ZNF469: variants seen among roughly 807,000 people sequenced by gnomAD.
The protein encoded by ZNF469 is zinc finger protein 469.
Under a neutral mutation model 1.0 loss-of-function variants are expected in ZNF469, and 1 was observed. The observed-to-expected ratio is 1.00, with a 90% CI of 0.35 to 4.73. The LOEUF is 4.73. Ranked by LOEUF, ZNF469 falls within the 30% of genes most tolerant of loss-of-function variation. The probability of loss-of-function intolerance (pLI) is 0.16; values close to 1 mark genes in which losing one functional copy is unlikely to be tolerated. For synonymous variants in ZNF469, 2,703 were observed against 2,363.4 expected, an observed-to-expected ratio of 1.14 and a Z score of -4.17; for missense variants, 6,100 against 5,356.3, an observed-to-expected ratio of 1.14 and a Z score of -4.33.
intron 1 of ZNF469, among the ~76,000 whole-genome samples, chr16:88,399,615 A>T (rs1904797345): frequency 6.6e-6 from 1 of 152,228 alleles, no homozygotes; most frequent in Non-Finnish European, 1.5e-5. Flanking sequence ...GGTGCCTCCC[A>T]GCTGCTCAAA....
the ZNF469 span, among the ~76,000 whole-genome samples, chr16:88,293,614 G>T: frequency 6.6e-6 from 1 of 152,064 alleles, no homozygotes; most frequent in Non-Finnish European, 1.5e-5. Context: ...CACCTGAAGG[G>T]GTCTGTACTG....
chr16:88,336,201 T>C, the ZNF469 span, among the ~76,000 whole-genome samples: 1 of 148,646 alleles, frequency 6.7e-6, no homozygotes, highest in African/African-American at 2.5e-5. Context: ...CTTGAGACAC[T>C]AACACGCCAA....
At position 88,431,133 on chromosome 16, in the gene ZNF469, T is replaced by G; in HGVS notation, c.3663T>G (p.Phe1221Leu). The change falls in exon 3 of 3, where the codon TTT (phenylalanine) becomes TTG (leucine). Residue 1221 changes from phenylalanine (F) to leucine (L), a missense_variant. By Grantham distance (22) the Phe-to-Leu change is conservative (BLOSUM62 0). Transcript: ENST00000565624. ...AGGAAACCCGCCCGTCGCTGGACTT[T>G]CCCCAGGAGGCCAAGGAGCCTGAAA... is the stretch of plus-strand genomic sequence containing the variant. ...TSEETRPSLD[F>L]PQEAKEPETA... 1 of 1,549,114 alleles carries G rather than the reference T, an allele frequency of 6.5e-7. No homozygotes were observed. The highest frequency in any genetic ancestry group is 8.7e-7 in the Non-Finnish European group (1 of 1,146,754).
chr16:88,127,522 A>T, the ZNF469 span, among the ~76,000 whole-genome samples: 1 of 152,182 alleles, frequency 6.6e-6, no homozygotes, highest in Non-Finnish European at 1.5e-5. Context: ...AGATTTGTTT[A>T]AAGAAAGATA....
the ZNF469 span, among the ~76,000 whole-genome samples, chr16:88,249,409 TTTTC>T: frequency 7.4e-6 from 1 of 134,490 alleles, no homozygotes; most frequent in Non-Finnish European, 1.5e-5. Context: ...TTCTTTTTCT[TTTTC>T]TTTCTTTTTC....
At chr16:88,245,976 A>C in the ZNF469 span, among the ~76,000 whole-genome samples, 2 of 152,392 alleles carry the variant, frequency 1.3e-5, no homozygotes, top group South Asian at 2.1e-4. Flanking sequence ...GCTTTGGCTC[A>C]TCCAACAAAA....
the ZNF469 span, among the ~76,000 whole-genome samples, chr16:88,133,971 T>C: frequency 6.6e-6 from 1 of 152,130 alleles, no homozygotes. Context: ...GGTGGGCGCC[T>C]GTCATCCCAG....
the ZNF469 span, among the ~76,000 whole-genome samples, chr16:88,353,376 GC>G: frequency 6.6e-6 from 1 of 152,146 alleles, no homozygotes; most frequent in Non-Finnish European, 1.5e-5. Context: ...CTACTCCCAT[GC>G]CAATGACAAG....
Position 88,438,545 on chromosome 16 carries a change from C to G in ZNF469, c.11075C>G (p.Ala3692Gly), listed in dbSNP as rs1357244969. Residue 3692 changes from alanine to glycine, a missense_variant, in exon 3 of 3, where the codon GCA (alanine) becomes GGA (glycine). Coordinates refer to ENST00000565624, the MANE Select transcript of ZNF469 (RefSeq NM_001367624.2). ...DRSAASTPSK[A>G]LKFPVHPRKA... is the part of the protein sequence containing the mutation. Reference sequence around the variant, plus strand: ...TCGGCAGCATCCACCCCCAGCAAAGCACTCAAGTTCCCAGTGCACCCAAGG... The same window carrying G: ...TCGGCAGCATCCACCCCCAGCAAAGGACTCAAGTTCCCAGTGCACCCAAGG... 1 of 1,550,058 alleles carries G rather than the reference C, an allele frequency of 6.5e-7. No individual in the cohort carries two copies. Among genetic ancestry groups the G allele is most frequent in the African/African-American group, 1.4e-5 (1 of 73,062 alleles).
upstream of ZNF469, among the ~76,000 whole-genome samples, chr16:88,378,314 C>A (rs1224381981): frequency 6.6e-6 from 1 of 152,228 alleles, no homozygotes. Flanking sequence ...AATTGAGGGT[C>A]TACTCAGCAA....
At chr16:88,119,591 G>A in the ZNF469 span, among the ~76,000 whole-genome samples, 8 of 152,340 alleles carry the variant, frequency 5.3e-5, no homozygotes, top group East Asian at 1.4e-3. Flanking sequence ...GGGGCCGGCA[G>A]CCTGGATGTG....
At chr16:88,175,580 C>T in the ZNF469 span, among the ~76,000 whole-genome samples, 2 of 152,208 alleles carry the variant, frequency 1.3e-5, no homozygotes, top group African/African-American at 2.4e-5. Context: ...AAACAACACA[C>T]TTCTAAATAA....
chr16:88,290,214 C>T, the ZNF469 span, among the ~76,000 whole-genome samples: 1 of 152,232 alleles, frequency 6.6e-6, no homozygotes, highest in Non-Finnish European at 1.5e-5. Flanking sequence ...GCGGCATCTG[C>T]CTGGCTGCAG....
the ZNF469 span, among the ~76,000 whole-genome samples, chr16:88,234,621 C>T: frequency 2.6e-5 from 4 of 152,190 alleles, no homozygotes; most frequent in South Asian, 2.1e-4. Context: ...GGACGCAGCC[C>T]GTGGGGAGCT....
upstream of ZNF469, among the ~76,000 whole-genome samples, chr16:88,381,890 G>A (rs536260341): frequency 7.9e-5 from 12 of 152,360 alleles, no homozygotes; most frequent in Non-Finnish European, 1.3e-4. Context: ...CCACTCATTG[G>A]CTCCACCAGA....
chr16:88,230,600 C>T, the ZNF469 span, among the ~76,000 whole-genome samples: 1 of 71,952 alleles, frequency 1.4e-5, no homozygotes, highest in Admixed American at 1.4e-4. Context: ...CTCTGAGCCT[C>T]CGGGGACGCC....
the ZNF469 span, among the ~76,000 whole-genome samples, chr16:88,187,445 A>G: frequency 1.3e-5 from 2 of 152,246 alleles, no homozygotes; most frequent in Non-Finnish European, 2.9e-5. Context: ...CCTAAACGCA[A>G]CATCTCACAG....
chr16:88,212,967 C>A, the ZNF469 span, among the ~76,000 whole-genome samples: 1 of 152,182 alleles, frequency 6.6e-6, no homozygotes, highest in Non-Finnish European at 1.5e-5. Context: ...TTTTACATCA[C>A]AAGGTGATTT....
chr16:88,377,461 G>T, the ZNF469 span, among the ~76,000 whole-genome samples: 1 of 152,206 alleles, frequency 6.6e-6, no homozygotes, highest in South Asian at 2.1e-4. Flanking sequence ...ACGCCCTCGA[G>T]GCCACCCCTG....
Sources: gnomAD v4.1 joint callset for allele counts (sites outside exome capture counted in the v4.1 genomes callset) on GRCh38, gnomAD v4.1.1 for gene constraint, MANE v1.5 for transcripts, NCBI Gene and HGNC (gene_info 2026-07-23, HGNC 2026-07-21) for gene names.